The following CACUL1 variants were observed in gnomAD, a reference collection of about 807,000 sequenced individuals.
The protein encoded by CACUL1 is CDK2 associated cullin domain 1.
Under a neutral mutation model 45.2 loss-of-function variants are expected in CACUL1, and 13 were observed. The ratio of observed to expected loss-of-function variants is 0.29; its 90% CI spans 0.19 to 0.46. The LOEUF (loss-of-function observed/expected upper bound fraction) is 0.46, where lower values mean the gene tolerates loss of function less well. CACUL1 is among the 20% of genes least tolerant of loss of function. The probability of loss-of-function intolerance (pLI) is 1.00; values close to 1 mark genes in which losing one functional copy is unlikely to be tolerated. For synonymous variants in CACUL1, 197 were observed against 174.2 expected (o/e 1.13, Z -1.03); for missense variants, 421 against 471.4 (o/e 0.89, Z 0.99).
chr10:118,718,445 T>C (rs895907562), intron 3 of CACUL1, among the ~76,000 whole-genome samples: 1 of 152,192 alleles, frequency 6.6e-6, no homozygotes, highest in Non-Finnish European at 1.5e-5. Flanking sequence ...TTAAGTACAG[T>C]TGTTTTGAAA....
chr10:118,701,346 A>T lies in CACUL1; in HGVS notation c.756T>A (p.Phe252Leu), dbSNP rs778432895. Residue 252 changes from phenylalanine (F) to leucine (L), a missense_variant, in exon 5 of 9, where the codon TTT (phenylalanine) becomes TTA (leucine). Physicochemically the swap from Phe to Leu is conservative, Grantham distance 22 (BLOSUM62 0). Around this residue, in one of 2 missense-constraint regions of CACUL1, gnomAD observed 208 missense variants for 298.4 expected, o/e 0.70. Transcript: ENST00000369151. ...TGTGCTTTTCTGCAACATGTTCCGT[A>T]AACAGCTTTATAAGGTCATCTTTTA... ...RDLKDDLIKL[F>L]TEHVAEKHIY... The T allele has an allele frequency of 6.3e-7, 1 of 1,577,582 alleles. No individual in the cohort carries two copies. The highest frequency in any genetic ancestry group is 1.2e-5 in the South Asian group (1 of 86,582).
chr10:118,727,447 T>C (rs1159933420), intron 3 of CACUL1, among the ~76,000 whole-genome samples: 1 of 151,426 alleles, frequency 6.6e-6, no homozygotes, highest in African/African-American at 2.4e-5. Flanking sequence ...ATCACTCTGA[T>C]TTATGTTTTA....
chr10:118,695,711 GGAT>G (rs1257921883), intron 5 of CACUL1, among the ~76,000 whole-genome samples: 1 of 152,156 alleles, frequency 6.6e-6, no homozygotes, highest in African/African-American at 2.4e-5. Context: ...TAAGGGCAAG[GGAT>G]GATAATGGCT....
intron 1 of CACUL1, among the ~76,000 whole-genome samples, chr10:118,749,223 G>GA (rs77260928): frequency 0.14 from 20,999 of 152,116 alleles, 1,798 homozygotes; most frequent in African/African-American, 0.24. Flanking sequence ...GATTTCAGTG[G>GA]AATAGTTCTA....
chr10:118,727,403 T>TAAAAA (rs11454535), intron 3 of CACUL1, among the ~76,000 whole-genome samples: 1 of 144,544 alleles, frequency 6.9e-6, no homozygotes, highest in African/African-American at 2.6e-5. Flanking sequence ...TCAAAAAAAT[T>TAAAAA]AAAAAAAAAA....
intron 2 of CACUL1, 76 bp downstream of exon 2, chr10:118,730,208 T>C: frequency 7.0e-7 from 1 of 1,433,386 alleles, no homozygotes; most frequent in South Asian, 1.2e-5. Context: ...CATTACATGT[T>C]TGTGTGAGGC....
rs547633100 is a variant in CACUL1 at position 118,747,867 on chromosome 10, T to C, written c.367+6529A>G. Reference sequence around the variant, plus strand: ...TGGGAGTCCAAGGCAGGTAGATCACTTGGGGCCAGGAATTCAAGATCAGCC... The same window carrying C: ...TGGGAGTCCAAGGCAGGTAGATCACCTGGGGCCAGGAATTCAAGATCAGCC... On this transcript the variant is annotated intron_variant, in intron 1 of 8. Coordinates refer to ENST00000369151, the MANE Select transcript of CACUL1 (RefSeq NM_153810.5). Among the ~76,000 whole-genome samples, 109 of 152,246 alleles carry C rather than the reference T, an allele frequency of 7.2e-4. 1 individual carries two copies. Among genetic ancestry groups the C allele is most frequent in the Non-Finnish European group, 5.1e-4 (35 of 68,010 alleles).
chr10:118,704,249 G>A (rs1178261798), intron 4 of CACUL1, among the ~76,000 whole-genome samples: 1 of 151,916 alleles, frequency 6.6e-6, no homozygotes, highest in Non-Finnish European at 1.5e-5. Context: ...ATTAGGTATG[G>A]AAAAATCTAC....
chr10:118,691,171 C>T, intron 7 of CACUL1, 94 bp downstream of exon 7: 1 of 1,062,854 alleles, frequency 9.4e-7, no homozygotes, highest in Non-Finnish European at 1.4e-6. Flanking sequence ...AGTTACCTCC[C>T]ATTCTCAGAA....
At chr10:118,723,858 C>T (rs1210105154) in intron 3 of CACUL1, among the ~76,000 whole-genome samples, 1 of 152,110 alleles carries the variant, frequency 6.6e-6, no homozygotes, top group Admixed American at 6.5e-5. Flanking sequence ...TTCCGCCTCC[C>T]GGGTTCAAGC....
chr10:118,695,331 TAA>T (rs1845312455), intron 5 of CACUL1, 101 bp from the exon 6 acceptor site: 1 of 725,186 alleles, frequency 1.4e-6, no homozygotes, highest in Non-Finnish European at 2.5e-6. Context: ...TAAACAATTG[TAA>T]GAAAGGAACA....
At chr10:118,694,891 T>C (rs981870551) in intron 6 of CACUL1, 53 of 335,088 alleles carry the variant, frequency 1.6e-4, no homozygotes, top group African/African-American at 5.6e-4. Context: ...ATCCAAAGTG[T>C]ATCCTACAAT....
At chr10:118,736,339 T>C (rs566982471) in intron 1 of CACUL1, among the ~76,000 whole-genome samples, 7 of 152,280 alleles carry the variant, frequency 4.6e-5, no homozygotes. Flanking sequence ...ACTTAAAAAG[T>C]TTATAAAGTA....
chr10:118,728,317 CTTTTTT>C (rs5788315), intron 3 of CACUL1, among the ~76,000 whole-genome samples: 3 of 140,814 alleles, frequency 2.1e-5, no homozygotes, highest in Admixed American at 7.1e-5. Flanking sequence ...AGTGACTTTT[CTTTTTT>C]TTTTTTTTTG....
chr10:118,685,946 T>A lies in CACUL1; in HGVS notation c.*182A>T. On this transcript the variant is annotated 3_prime_UTR_variant, in exon 9 of 9. Transcript: ENST00000369151. ...TCACCCCCAAGTCTAGCAGCAACGT[T>A]TTTTTTTTTTTTAGTTTTTGTTTTA... 3.2e-6 allele frequency: 1 copy of A among 314,958 alleles called. No individual in the cohort carries two copies. Among genetic ancestry groups the A allele is most frequent in the Non-Finnish European group, 5.9e-6 (1 of 170,592 alleles). 19.5% of individuals were successfully genotyped at this position (314,958 alleles called of 1,614,324 possible).
At chr10:118,743,527 G>A (rs556667552) in intron 1 of CACUL1, among the ~76,000 whole-genome samples, 2 of 152,184 alleles carry the variant, frequency 1.3e-5, no homozygotes, top group East Asian at 1.9e-4. Flanking sequence ...TCAGGAGTTC[G>A]AGACCAGCCT....
chr10:118,752,521 T>C (rs1175304949), intron 1 of CACUL1, among the ~76,000 whole-genome samples: 1 of 152,246 alleles, frequency 6.6e-6, no homozygotes, highest in Admixed American at 6.5e-5. Flanking sequence ...AACACACTGT[T>C]GGATTTGATG....
At chr10:118,716,892 G>A (rs530163326) in intron 3 of CACUL1, among the ~76,000 whole-genome samples, 44 of 152,234 alleles carry the variant, frequency 2.9e-4, no homozygotes, top group African/African-American at 8.9e-4. Flanking sequence ...GTGAGCCAAC[G>A]AGCCCAGCGC....
intron 3 of CACUL1, 36 bp downstream of exon 3, chr10:118,729,259 C>G (rs376462601): frequency 6.7e-6 from 10 of 1,494,928 alleles, no homozygotes; most frequent in Non-Finnish European, 9.3e-6. Context: ...TCAGGAAAAC[C>G]CAAGGAAGCA....
Sources: gnomAD v4.1 joint callset for allele counts (sites outside exome capture counted in the v4.1 genomes callset) on GRCh38, gnomAD v4.1.1 for gene constraint, gnomAD v4.1.1 regional missense constraint, MANE v1.5 for transcripts, NCBI Gene and HGNC (gene_info 2026-07-23, HGNC 2026-07-21) for gene names.